The following LSP1 variants were observed in gnomAD, a reference collection of about 807,000 sequenced individuals.
The protein encoded by LSP1 is lymphocyte-specific protein 1.
Under a neutral mutation model 49.3 loss-of-function variants are expected in LSP1, and 32 were observed. That is an observed-to-expected ratio of 0.65 (90% CI 0.49 to 0.87). LSP1 has a LOEUF of 0.87. Ranked by LOEUF, LSP1 falls within the 40% of genes least tolerant of loss-of-function variation. The pLI, the probability that LSP1 is intolerant of heterozygous loss-of-function variation, is 0.00. For synonymous variants in LSP1, 179 were observed against 178.8 expected (o/e 1.00, Z -0.01); for missense variants, 428 against 442.6 (o/e 0.97, Z 0.30).
chr11:1,864,283 AAGG>A, intron 1 of LSP1: 2 of 984,336 alleles, frequency 2.0e-6, no homozygotes, highest in Non-Finnish European at 2.4e-6. Flanking sequence ...ACGGCCGACG[AAGG>A]AGAAGAACAG....
intron 1 of LSP1, among the ~76,000 whole-genome samples, chr11:1,872,816 C>T (rs926084776): frequency 1.3e-5 from 2 of 152,098 alleles, no homozygotes; most frequent in East Asian, 1.9e-4. Context: ...CCCCGGCCCG[C>T]ACTCAGACTA....
intron 1 of LSP1, among the ~76,000 whole-genome samples, chr11:1,876,899 C>T (rs910697747): frequency 6.6e-6 from 1 of 152,126 alleles, no homozygotes; most frequent in African/African-American, 2.4e-5. Context: ...CGAAGTGGAG[C>T]CTGGGACTGT....
intron 1 of LSP1, among the ~76,000 whole-genome samples, chr11:1,858,595 C>A (rs1464189279): frequency 1.3e-5 from 2 of 152,350 alleles, no homozygotes; most frequent in East Asian, 3.9e-4. Context: ...CAGAACCAGG[C>A]CCTGGCTGTG....
At chr11:1,866,628 C>T in intron 1 of LSP1, 1 of 1,550,114 alleles carries the variant, frequency 6.5e-7, no homozygotes, top group Non-Finnish European at 8.7e-7. Flanking sequence ...TCCTGGGCTT[C>T]CAGGCTCTGC....
rs755782795 is a variant in LSP1, at chr11:1,886,762, C to A, written c.748C>A (p.Gln250Lys). 56 of 1,611,398 alleles carry A rather than the reference C, an allele frequency of 3.5e-5. No individual in the cohort carries two copies. Among genetic ancestry groups the A allele is most frequent in the Non-Finnish European group, 3.6e-5 (43 of 1,179,470 alleles). Reference protein sequence around the residue: ...TAGRTPKLARQASIELPSMAV... With the variant: ...TAGRTPKLARKASIELPSMAV... ...TGGCCGGACCCCCAAGCTAGCCCGC[C>A]AGGCCTCCATAGAGCTGCCCAGCAT... The change falls in exon 8 of 11, where the codon CAG (glutamine) becomes AAG (lysine). Residue 250 changes from glutamine (Q) to lysine (K), a missense_variant. Coordinates refer to ENST00000311604, the MANE Select transcript of LSP1 (RefSeq NM_002339.3).
intron 1 of LSP1, chr11:1,865,314 G>A: frequency 2.3e-6 from 2 of 881,068 alleles, no homozygotes; most frequent in Non-Finnish European, 2.7e-6. Flanking sequence ...GGGTGCCCAT[G>A]CTGGGCTGCC....
chr11:1,853,293 G>C (rs1416904637), intron 1 of LSP1, 96 bp downstream of exon 1: 1 of 1,346,830 alleles, frequency 7.4e-7, no homozygotes, highest in Admixed American at 2.7e-5. Context: ...GTGCCTGATG[G>C]GGAATCTGGG....
chr11:1,861,944 T>A (rs111067900), intron 1 of LSP1, among the ~76,000 whole-genome samples: 16,047 of 149,616 alleles, frequency 0.11, 1,339 homozygotes, highest in African/African-American at 0.24. Context: ...GATGAGTGGA[T>A]GGATGGGTGG....
chr11:1,880,029 G>A (rs1260861672), intron 1 of LSP1, 58 bp from the exon 2 acceptor site: 1 of 1,594,806 alleles, frequency 6.3e-7, no homozygotes, highest in African/African-American at 1.4e-5. Flanking sequence ...GGAGGAATGG[G>A]TGCAAAACAG....
At chr11:1,889,545 T>G in intron 10 of LSP1, 1 of 613,016 alleles carries the variant, frequency 1.6e-6, no homozygotes, top group Non-Finnish European at 3.0e-6. Flanking sequence ...CTCCAGCAGC[T>G]GCTTCTTGAG....
chr11:1,853,655 G>A (rs1234905952), intron 1 of LSP1, among the ~76,000 whole-genome samples: 1 of 152,222 alleles, frequency 6.6e-6, no homozygotes, highest in East Asian at 1.9e-4. Context: ...GGGCTATCCT[G>A]CCTTGAGGGT....
chr11:1,853,340 A>G, intron 1 of LSP1, 143 bp downstream of exon 1: 1 of 829,714 alleles, frequency 1.2e-6, no homozygotes, highest in Non-Finnish European at 1.8e-6. Context: ...CGATGGGGAA[A>G]CTGGGGACCC....
chr11:1,865,553 C>G (rs535018571), intron 1 of LSP1, among the ~76,000 whole-genome samples: 1 of 146,402 alleles, frequency 6.8e-6, no homozygotes, highest in Admixed American at 6.9e-5. Flanking sequence ...CCCGCACCGC[C>G]GGCTGCACTG....
chr11:1,876,601 G>A (rs572783102), intron 1 of LSP1: 4 of 985,464 alleles, frequency 4.1e-6, no homozygotes, highest in South Asian at 4.7e-5. Flanking sequence ...GACGGGGACC[G>A]AGCCGGACAC....
Position 1,881,415 on chromosome 11 carries a change from C to T in LSP1, c.192-17C>T. Reference sequence around the variant, plus strand: ...GCAGCAGCCGCCCAGGCCTAAGCTCCCCCCTGCTACCCTCAGCCTCAGCCT... The same window carrying T: ...GCAGCAGCCGCCCAGGCCTAAGCTCTCCCCTGCTACCCTCAGCCTCAGCCT... On this transcript the variant is annotated splice_polypyrimidine_tract_variant and intron_variant, in intron 2 of 10. Transcript: ENST00000311604. 1 of 1,556,534 alleles carries T rather than the reference C, an allele frequency of 6.4e-7. No individual in the cohort carries two copies. Among genetic ancestry groups the T allele is most frequent in the African/African-American group, 1.4e-5 (1 of 73,522 alleles).
At chr11:1,879,303 C>T (rs1157627885) in intron 1 of LSP1, among the ~76,000 whole-genome samples, 2 of 152,186 alleles carry the variant, frequency 1.3e-5, no homozygotes, top group African/African-American at 4.8e-5. Context: ...CCAGATCACA[C>T]CATTGCACTC....
At chr11:1,878,810 G>A (rs758445951) in intron 1 of LSP1, among the ~76,000 whole-genome samples, 6 of 151,998 alleles carry the variant, frequency 3.9e-5, no homozygotes, top group Non-Finnish European at 5.9e-5. Context: ...GGAGTGTAGA[G>A]ACCCTGGACC....
intron 1 of LSP1, among the ~76,000 whole-genome samples, chr11:1,863,883 G>A (rs551448966): frequency 6.6e-6 from 1 of 152,256 alleles, no homozygotes; most frequent in African/African-American, 2.4e-5. Flanking sequence ...TGCCTCTTGG[G>A]TCAACTCTGC....
intron 10 of LSP1, among the ~76,000 whole-genome samples, chr11:1,888,037 G>A (rs1848830170): frequency 6.6e-6 from 1 of 152,102 alleles, no homozygotes; most frequent in Non-Finnish European, 1.5e-5. Flanking sequence ...AGGTCCTGAT[G>A]CCCTCCCCAT....
Sources: allele counts gnomAD v4.1 joint callset (sites outside exome capture counted in the v4.1 genomes callset), GRCh38; gene constraint gnomAD v4.1.1; transcripts MANE v1.5; gene names NCBI Gene and HGNC (gene_info 2026-07-23, HGNC 2026-07-21).